Variants in ARHGEF33 observed in about 807,000 individuals in gnomAD.
ARHGEF33 encodes DH and coiled-coil domain-containing protein ENSP00000381780.
A neutral mutation model predicts 101.9 loss-of-function variants in ARHGEF33; 72 were observed. The ratio of observed to expected loss-of-function variants is 0.71; its 90% CI spans 0.58 to 0.86. The LOEUF is 0.86. Among genes scored for constraint, ARHGEF33 ranks in the 40% least tolerant of loss-of-function variants. ARHGEF33 has a pLI of 0.00. For synonymous variants in ARHGEF33, 499 were observed against 442.5 expected (o/e 1.13, Z -1.60); for missense variants, 1,169 against 1,111.3 (o/e 1.05, Z -0.74).
At chr2:38,917,202 C>T (rs1029372541) in intron 2 of ARHGEF33, among the ~76,000 whole-genome samples, 2 of 148,280 alleles carry the variant, frequency 1.3e-5, no homozygotes, top group African/African-American at 2.5e-5. Flanking sequence ...AGTGATTTTC[C>T]TGCCTCAGCC....
At chr2:38,969,187 C>T (rs1212336290) in intron 17 of ARHGEF33, among the ~76,000 whole-genome samples, 2 of 152,172 alleles carry the variant, frequency 1.3e-5, no homozygotes, top group Non-Finnish European at 2.9e-5. Flanking sequence ...GCCCATTTTC[C>T]TCCTGCGTGT....
intron 1 of ARHGEF33, among the ~76,000 whole-genome samples, chr2:38,893,801 C>T (rs1666061052): frequency 6.6e-6 from 1 of 152,188 alleles, no homozygotes; most frequent in African/African-American, 2.4e-5. Context: ...TTTAGCCAAA[C>T]TTTCTTTCTT....
intron 9 of ARHGEF33, 112 bp downstream of exon 9, chr2:38,937,671 A>G: frequency 1.5e-6 from 1 of 671,558 alleles, no homozygotes; most frequent in Non-Finnish European, 2.6e-6. Flanking sequence ...ACATGAGGCC[A>G]CCTAGTTCCT....
intron 1 of ARHGEF33, among the ~76,000 whole-genome samples, chr2:38,893,220 T>C (rs946274214): frequency 2.0e-5 from 3 of 151,534 alleles, no homozygotes; most frequent in Non-Finnish European, 4.4e-5. Flanking sequence ...TGGAGTGCAG[T>C]GGCACAGTCT....
At chr2:38,894,772 G>T (rs1233340440) in intron 1 of ARHGEF33, among the ~76,000 whole-genome samples, 14 of 152,176 alleles carry the variant, frequency 9.2e-5, no homozygotes, top group Non-Finnish European at 1.5e-5. Flanking sequence ...TAGTCTCATG[G>T]TTACACTTAG....
At chr2:38,963,411 C>T (rs1158458897) in intron 16 of ARHGEF33, among the ~76,000 whole-genome samples, 2 of 152,142 alleles carry the variant, frequency 1.3e-5, no homozygotes, top group Non-Finnish European at 2.9e-5. Context: ...AGTGAGAACA[C>T]GTGACTGTCA....
chr2:38,898,333 T>C (rs776486877), intron 2 of ARHGEF33, among the ~76,000 whole-genome samples: 23 of 152,114 alleles, frequency 1.5e-4, no homozygotes, highest in South Asian at 4.1e-4. Context: ...AACACAAAAT[T>C]TGGGCAGCAC....
intron 2 of ARHGEF33, among the ~76,000 whole-genome samples, chr2:38,901,041 A>T (rs1376610892): frequency 3.3e-5 from 5 of 152,216 alleles, no homozygotes; most frequent in East Asian, 3.9e-4. Flanking sequence ...CTTTTTAGTG[A>T]CCATGTGTTG....
chr2:38,942,560 T>C (rs1179664322), intron 9 of ARHGEF33, among the ~76,000 whole-genome samples: 1 of 151,818 alleles, frequency 6.6e-6, no homozygotes, highest in Non-Finnish European at 1.5e-5. Flanking sequence ...TTTAAAAGTT[T>C]CTCCTTTTTA....
At chr2:38,967,018 A>G (rs944250505) in intron 17 of ARHGEF33, among the ~76,000 whole-genome samples, 3 of 152,182 alleles carry the variant, frequency 2.0e-5, no homozygotes, top group African/African-American at 7.2e-5. Context: ...AGTCAGTTTT[A>G]AATAACAAGT....
At chr2:38,942,829 C>G (rs979419833) in intron 9 of ARHGEF33, among the ~76,000 whole-genome samples, 1 of 152,130 alleles carries the variant, frequency 6.6e-6, no homozygotes, top group African/African-American at 2.4e-5. Context: ...AGAAAGAGCT[C>G]TTAGAAAAAC....
chr2:38,937,098 G>C (rs13018632), intron 8 of ARHGEF33: 133,235 of 350,854 alleles, frequency 0.38, 29,048 homozygotes, highest in African/African-American at 0.67. Context: ...GGGTTCAAGC[G>C]ATTCTCCTGC....
chr2:38,949,105 TAC>T (rs1185778312), intron 10 of ARHGEF33, among the ~76,000 whole-genome samples: 1 of 152,078 alleles, frequency 6.6e-6, no homozygotes, highest in Non-Finnish European at 1.5e-5. Flanking sequence ...TCCTCTGAGC[TAC>T]AGTCACAGAG....
intron 17 of ARHGEF33, among the ~76,000 whole-genome samples, chr2:38,971,558 A>G (rs1668167156): frequency 6.6e-6 from 1 of 152,198 alleles, no homozygotes; most frequent in South Asian, 2.1e-4. Context: ...GGTATGCACT[A>G]CTTCAGAGCC....
chr2:38,915,398 T>TTC (rs1666608408), intron 2 of ARHGEF33, among the ~76,000 whole-genome samples: 1 of 150,400 alleles, frequency 6.6e-6, no homozygotes, highest in African/African-American at 2.4e-5. Flanking sequence ...TTTTTTTTTT[T>TTC]TTTTGAGACA....
chr2:38,961,531 G>A (rs900098448), intron 16 of ARHGEF33, among the ~76,000 whole-genome samples: 5 of 152,140 alleles, frequency 3.3e-5, no homozygotes, highest in Non-Finnish European at 5.9e-5. Flanking sequence ...TGATAGTTCT[G>A]ACCTGTGCGA....
rs575135804 is a variant in ARHGEF33 at position 38,913,096 on chromosome 2, G to C, written c.-85-6267G>C. ...CTGTCACTCAGGCTGGAGTGCAGTA[G>C]TGCAATCCTGTCTCACTGCAGCCTT... On this transcript the variant is annotated intron_variant, in intron 2 of 17. Transcript: ENST00000409978. Among the ~76,000 whole-genome samples the C allele has an allele frequency of 9.9e-4, 149 of 149,836 alleles. 1 individual carries two copies. The highest frequency in any genetic ancestry group is 3.3e-3 in the African/African-American group (134 of 40,634).
rs1668234232 is a variant in ARHGEF33 at position 38,974,515 on chromosome 2, T to C, written c.*672T>C. The C allele has an allele frequency of 6.6e-6, 1 of 152,228 alleles. No individual in the cohort carries two copies. Among genetic ancestry groups the C allele is most frequent in the South Asian group, 2.1e-4 (1 of 4,836 alleles). The allele number at this position is 152,228 out of a possible 1,614,324, so 9.4% of individuals were successfully genotyped here. On this transcript the variant is annotated 3_prime_UTR_variant, in exon 18 of 18. Coordinates refer to ENST00000409978, the MANE Select transcript of ARHGEF33 (RefSeq NM_001145451.5). Reference sequence around the variant, plus strand: ...AATCAGTAAAGGGAACAAGGATTTCTGTAGAAACTGGGGAGAGAGGAAGGC... The same window carrying C: ...AATCAGTAAAGGGAACAAGGATTTCCGTAGAAACTGGGGAGAGAGGAAGGC...
intron 7 of ARHGEF33, among the ~76,000 whole-genome samples, chr2:38,933,146 C>A (rs1056783529): frequency 6.6e-6 from 1 of 152,152 alleles, no homozygotes; most frequent in Non-Finnish European, 1.5e-5. Flanking sequence ...GTGCCTCTGG[C>A]TCAAGGTCTC....
Sources: allele counts gnomAD v4.1 joint callset (sites outside exome capture counted in the v4.1 genomes callset), GRCh38; gene constraint gnomAD v4.1.1; transcripts MANE v1.5; gene names NCBI Gene and HGNC (gene_info 2026-07-23, HGNC 2026-07-21).